RIMS2: variants seen among roughly 807,000 people sequenced by gnomAD.
RIMS2 encodes regulating synaptic membrane exocytosis 2.
Under a neutral mutation model 174.4 loss-of-function variants are expected in RIMS2, and 59 were observed. That is an observed-to-expected ratio of 0.34 (90% CI 0.27 to 0.42). The LOEUF is 0.42. Ranked by LOEUF, RIMS2 falls within the 10% of genes least tolerant of loss-of-function variation. The pLI, the probability that RIMS2 is intolerant of heterozygous loss-of-function variation, is 1.00. For missense variants in RIMS2, 1,620 were observed against 1,666.3 expected, an observed-to-expected ratio of 0.97 and a Z score of 0.48; for synonymous variants, 606 against 572.5, an observed-to-expected ratio of 1.06 and a Z score of -0.84.
intron 1 of RIMS2, among the ~76,000 whole-genome samples, chr8:103,632,731 A>ATTT (rs61579273): frequency 0.03 from 2,093 of 70,396 alleles, 264 homozygotes; most frequent in African/African-American, 0.1. Flanking sequence ...ATATTTATTG[A>ATTT]TTTTTTTTTT....
chr8:104,117,261 T>C (rs1352940391), intron 19 of RIMS2, among the ~76,000 whole-genome samples: 1 of 152,148 alleles, frequency 6.6e-6, no homozygotes, highest in Non-Finnish European at 1.5e-5. Flanking sequence ...CTGAGCACAG[T>C]GTGTATTTTA....
intron 2 of RIMS2, among the ~76,000 whole-genome samples, chr8:103,715,250 C>T (rs2097353918): frequency 6.6e-6 from 1 of 152,110 alleles, no homozygotes; most frequent in Non-Finnish European, 1.5e-5. Context: ...TTTGCTGCAC[C>T]TATCAGCCCA....
chr8:103,953,456 T>A (rs904006104), intron 14 of RIMS2, among the ~76,000 whole-genome samples: 1 of 152,084 alleles, frequency 6.6e-6, no homozygotes, highest in Admixed American at 6.6e-5. Context: ...TCAACATTCT[T>A]AAAGAAAGGA....
intron 1 of RIMS2, among the ~76,000 whole-genome samples, chr8:103,560,212 T>C (rs2091357842): frequency 6.6e-6 from 1 of 152,024 alleles, no homozygotes; most frequent in Non-Finnish European, 1.5e-5. Context: ...AGAATTATTG[T>C]TATATTAAAG....
intron 2 of RIMS2, among the ~76,000 whole-genome samples, chr8:103,715,979 T>C (rs1233786998): frequency 2.0e-5 from 3 of 152,098 alleles, no homozygotes; most frequent in Non-Finnish European, 4.4e-5. Context: ...CTGATTTTGT[T>C]TGTAGGAAGA....
chr8:103,844,803 T>C (rs2098959275), intron 3 of RIMS2, among the ~76,000 whole-genome samples: 1 of 152,094 alleles, frequency 6.6e-6, no homozygotes. Flanking sequence ...CTGAAAAGTA[T>C]CTACCTTTTG....
At chr8:103,827,970 T>C (rs558963125) in intron 3 of RIMS2, among the ~76,000 whole-genome samples, 11 of 152,360 alleles carry the variant, frequency 7.2e-5, no homozygotes, top group African/African-American at 2.6e-4. Flanking sequence ...GTAATTCTTA[T>C]TCCTGATTCC....
At chr8:103,566,842 C>T (rs61151860) in intron 1 of RIMS2, among the ~76,000 whole-genome samples, 5,553 of 152,270 alleles carry the variant, frequency 0.036, 322 homozygotes, top group African/African-American at 0.12. Context: ...AGATAATTCA[C>T]ATACTGTACA....
chr8:103,975,481 T>A (rs1323478292), exon 16 of RIMS2: 1 of 1,613,260 alleles, frequency 6.2e-7, no homozygotes, highest in Non-Finnish European at 8.5e-7. Context: ...TAGATCATGG[T>A]CACCCAGTGT....
chr8:103,661,742 G>A lies in RIMS2; in HGVS notation c.177-35344G>A, dbSNP rs115557706. 7.1e-3 allele frequency among the ~76,000 whole-genome samples: 1,080 copies of A among 152,292 alleles called. 21 individuals are homozygous for A. The highest frequency in any genetic ancestry group is 0.025 in the African/African-American group (1,019 of 41,568). ...GCTGGTTTCAAACTTCTGAGCTCGG[G>A]CAATCTGCCCGCTTGGTCTCCCAAC... On this transcript the variant is annotated intron_variant, in intron 1 of 23. Coordinates refer to ENST00000504942, the Ensembl canonical transcript of RIMS2.
In RIMS2 at chr8:104,251,507, T is replaced by G. The variant is rs562761096; in HGVS notation, c.3832-95T>G. The G allele has an allele frequency of 5.2e-4, 385 of 737,544 alleles. 1 individual carries two copies. Among genetic ancestry groups the G allele is most frequent in the Non-Finnish European group, 8.3e-4 (350 of 420,018 alleles). 45.7% of individuals were successfully genotyped at this position (737,544 alleles called of 1,614,324 possible). On this transcript the variant is annotated intron_variant, in intron 23 of 23. Coordinates refer to ENST00000504942, the Ensembl canonical transcript of RIMS2. The stretch of plus-strand genomic sequence containing the variant: ...TAACTTGATCTTTGATGTCAGAAAA[T>G]TAACTGAATGTACTTTAGTATTTTA...
chr8:104,058,474 T>C lies in RIMS2; in HGVS notation c.3334+43859T>C, dbSNP rs555063548. On this transcript the variant is annotated intron_variant, in intron 19 of 23. Coordinates refer to ENST00000504942, the Ensembl canonical transcript of RIMS2. Reference sequence around the variant, plus strand: ...ATTGTAGATTCTGGATATTAGCCTTTGTCAGATGAGTAGGTTGCAAAAATT... The same window carrying C: ...ATTGTAGATTCTGGATATTAGCCTTCGTCAGATGAGTAGGTTGCAAAAATT... Among the ~76,000 whole-genome samples, 3 of 151,494 alleles carry C rather than the reference T, an allele frequency of 2.0e-5. No homozygotes were observed. In the East Asian group the frequency reaches 5.8e-4, roughly 29 times the overall value.
intron 19 of RIMS2, among the ~76,000 whole-genome samples, chr8:104,172,713 G>C (rs1472209735): frequency 6.6e-6 from 1 of 152,178 alleles, no homozygotes; most frequent in Non-Finnish European, 1.5e-5. Context: ...CTCAAAATGA[G>C]AGAAATCATT....
intron 1 of RIMS2, among the ~76,000 whole-genome samples, chr8:103,542,305 C>T (rs1563707008): frequency 6.6e-6 from 1 of 152,012 alleles, no homozygotes. Context: ...AATAGAAAAG[C>T]TAAACAGATC....
intron 19 of RIMS2, among the ~76,000 whole-genome samples, chr8:104,019,173 G>A (rs2096014592): frequency 6.6e-6 from 1 of 152,054 alleles, no homozygotes. Context: ...ACTCCAGCCT[G>A]GGCAGCAGAG....
chr8:104,125,429 G>A (rs1186729157), intron 19 of RIMS2, among the ~76,000 whole-genome samples: 1 of 152,114 alleles, frequency 6.6e-6, no homozygotes, highest in Non-Finnish European at 1.5e-5. Context: ...GATTCTTTAT[G>A]AGGTTTAAAT....
intron 1 of RIMS2, among the ~76,000 whole-genome samples, chr8:103,589,689 C>CTAA (rs975627929): frequency 2.6e-5 from 4 of 151,266 alleles, no homozygotes; most frequent in Non-Finnish European, 5.9e-5. Context: ...TAAGTGTTTA[C>CTAA]ACACAGAGGA....
chr8:104,005,312 AATT>A (rs2095533903), intron 17 of RIMS2, among the ~76,000 whole-genome samples: 1 of 152,182 alleles, frequency 6.6e-6, no homozygotes, highest in African/African-American at 2.4e-5. Context: ...TTCGGGGGGT[AATT>A]GTCAGAAATG....
At chr8:104,080,398 A>T (rs2097393766) in intron 19 of RIMS2, among the ~76,000 whole-genome samples, 1 of 152,172 alleles carries the variant, frequency 6.6e-6, no homozygotes, top group East Asian at 1.9e-4. Context: ...TTTCAATTCT[A>T]ATGTTTCATT....
Sources: allele counts gnomAD v4.1 joint callset (sites outside exome capture counted in the v4.1 genomes callset), GRCh38; gene constraint gnomAD v4.1.1; transcripts MANE v1.5; gene names NCBI Gene and HGNC (gene_info 2026-07-23, HGNC 2026-07-21).